Variants in SETBP1 observed in about 807,000 individuals in gnomAD.
The protein encoded by SETBP1 is SET-binding protein.
In SETBP1, 9 loss-of-function variants were observed where a neutral mutation model predicts 101.0. The observed-to-expected ratio is 0.09, with a 90% CI of 0.05 to 0.16. SETBP1 has a LOEUF of 0.16. Among genes scored for constraint, SETBP1 ranks in the 10% least tolerant of loss-of-function variants. The pLI, the probability that SETBP1 is intolerant of heterozygous loss-of-function variation, is 1.00. For missense variants in SETBP1, 1,858 were observed against 2,033.8 expected, an observed-to-expected ratio of 0.91 and a Z score of 1.66; for synonymous variants, 818 against 788.5, an observed-to-expected ratio of 1.04 and a Z score of -0.63.
intron 2 of SETBP1, among the ~76,000 whole-genome samples, chr18:44,825,529 A>G (rs964070536): frequency 1.4e-4 from 22 of 152,242 alleles, no homozygotes; most frequent in African/African-American, 4.8e-4. Context: ...AAGGCTTTCA[A>G]ACTGCCCCTC....
Position 45,031,188 on chromosome 18 carries a change from G to A in SETBP1, c.4001-7297G>A, listed in dbSNP as rs4309491. 3.3e-5 allele frequency among the ~76,000 whole-genome samples: 5 copies of A among 151,768 alleles called. No homozygotes were observed. The South Asian group carries it at 6.2e-4, about 19-fold the overall frequency. ...TTTTTCACTAACTCTTCTCTTCTGC[G>A]TTCTTTCATTTGAATGGGCTTTTGT... On this transcript the variant is annotated intron_variant, in intron 4 of 5. Transcript: ENST00000649279.
intron 2 of SETBP1, among the ~76,000 whole-genome samples, chr18:44,855,097 C>CT (rs1395540800): frequency 6.6e-6 from 1 of 152,148 alleles, no homozygotes; most frequent in Non-Finnish European, 1.5e-5. Context: ...GAGGCCTTCC[C>CT]TGATCAGCTT....
chr18:44,948,673 T>G (rs2071268939), intron 3 of SETBP1, among the ~76,000 whole-genome samples: 1 of 152,252 alleles, frequency 6.6e-6, no homozygotes, highest in Non-Finnish European at 1.5e-5. Context: ...TACTACTTTA[T>G]GTATAAATTG....
chr18:44,898,843 G>C (rs1219514760), intron 3 of SETBP1, among the ~76,000 whole-genome samples: 2 of 152,214 alleles, frequency 1.3e-5, no homozygotes, highest in African/African-American at 2.4e-5. Flanking sequence ...AAATATTTGA[G>C]AGGATTAAAT....
intron 3 of SETBP1, among the ~76,000 whole-genome samples, chr18:44,920,979 G>A (rs2070567764): frequency 6.6e-6 from 1 of 152,174 alleles, no homozygotes; most frequent in African/African-American, 2.4e-5. Context: ...GAATAGCGCT[G>A]AACTGACAAG....
chr18:44,784,385 C>T (rs539523634), intron 2 of SETBP1, among the ~76,000 whole-genome samples: 1 of 152,264 alleles, frequency 6.6e-6, no homozygotes, highest in South Asian at 2.1e-4. Flanking sequence ...AAGCCTGGCC[C>T]AGTGCCTCCC....
At chr18:44,769,524 A>G (rs906828925) in intron 2 of SETBP1, among the ~76,000 whole-genome samples, 2 of 152,244 alleles carry the variant, frequency 1.3e-5, no homozygotes, top group Non-Finnish European at 2.9e-5. Flanking sequence ...AAGTTCTCCA[A>G]TACATTCTGA....
At chr18:44,767,789 T>G (rs1479208859) in intron 2 of SETBP1, among the ~76,000 whole-genome samples, 4 of 152,150 alleles carry the variant, frequency 2.6e-5, no homozygotes, top group African/African-American at 7.2e-5. Flanking sequence ...AGATATTAAG[T>G]GGGAATAAAA....
chr18:44,749,399 C>T (rs944233176), intron 2 of SETBP1, among the ~76,000 whole-genome samples: 2 of 152,160 alleles, frequency 1.3e-5, no homozygotes, highest in African/African-American at 4.8e-5. Context: ...AAGGATGAAG[C>T]TCCCTCATCA....
chr18:44,842,408 A>C (rs928833146), intron 2 of SETBP1, among the ~76,000 whole-genome samples: 1 of 152,164 alleles, frequency 6.6e-6, no homozygotes, highest in African/African-American at 2.4e-5. Context: ...AAATTGTCAA[A>C]TTTTATTGAA....
At chr18:44,751,079 T>C (rs550352366) in intron 2 of SETBP1, among the ~76,000 whole-genome samples, 1 of 152,324 alleles carries the variant, frequency 6.6e-6, no homozygotes, top group South Asian at 2.1e-4. Context: ...AAGAGCATTA[T>C]ATTTAGCACT....
chr18:44,812,129 G>A (rs1417214226), intron 2 of SETBP1, among the ~76,000 whole-genome samples: 4 of 152,048 alleles, frequency 2.6e-5, no homozygotes, highest in Non-Finnish European at 4.4e-5. Context: ...ACTCTCATGA[G>A]GAGAGCTGCA....
chr18:45,010,729 T>G (rs2072820177), intron 4 of SETBP1, among the ~76,000 whole-genome samples: 1 of 152,242 alleles, frequency 6.6e-6, no homozygotes, highest in African/African-American at 2.4e-5. Flanking sequence ...AGCCAGACAT[T>G]GTGCTTAATA....
intron 2 of SETBP1, among the ~76,000 whole-genome samples, chr18:44,806,551 T>G (rs991471970): frequency 1.3e-4 from 19 of 149,800 alleles, no homozygotes; most frequent in African/African-American, 2.2e-4. Flanking sequence ...ACTCTTAACA[T>G]GCTGAAAACT....
intron 2 of SETBP1, among the ~76,000 whole-genome samples, chr18:44,766,044 A>G (rs2070758057): frequency 6.6e-6 from 1 of 152,202 alleles, no homozygotes; most frequent in Non-Finnish European, 1.5e-5. Flanking sequence ...TGAGAGTTGC[A>G]ATCTCTAAGC....
At chr18:45,059,043 G>A (rs2073852293) in intron 5 of SETBP1, among the ~76,000 whole-genome samples, 1 of 152,198 alleles carries the variant, frequency 6.6e-6, no homozygotes, top group African/African-American at 2.4e-5. Context: ...ATTTTAGGAT[G>A]TTTTATTGCC....
chr18:44,827,750 A>C (rs62090601), intron 2 of SETBP1, among the ~76,000 whole-genome samples: 9,000 of 152,282 alleles, frequency 0.059, 365 homozygotes, highest in East Asian at 0.13. Flanking sequence ...CATTATAGTC[A>C]AAATATAGTC....
At chr18:45,054,191 A>AT (rs754973461) in intron 5 of SETBP1, among the ~76,000 whole-genome samples, 2,237 of 145,238 alleles carry the variant, frequency 0.015, 37 homozygotes, top group African/African-American at 0.041. Context: ...GAAGCCACTA[A>AT]TTTTTTTTTT....
At chr18:44,926,374 C>A (rs577128322) in intron 3 of SETBP1, among the ~76,000 whole-genome samples, 38 of 152,292 alleles carry the variant, frequency 2.5e-4, no homozygotes, top group Non-Finnish European at 4.7e-4. Flanking sequence ...CATAAGGCCA[C>A]AGAAGAAAGC....
Sources: allele counts gnomAD v4.1 joint callset (sites outside exome capture counted in the v4.1 genomes callset), GRCh38; gene constraint gnomAD v4.1.1; transcripts MANE v1.5; gene names NCBI Gene and HGNC (gene_info 2026-07-23, HGNC 2026-07-21).